Variants in SCAF8 observed in about 807,000 individuals in gnomAD.
The protein encoded by SCAF8 is SR-related and CTD-associated factor 8.
In SCAF8, 23 loss-of-function variants were observed where a neutral mutation model predicts 140.5. That is an observed-to-expected ratio of 0.16 (90% CI 0.12 to 0.23). The LOEUF (loss-of-function observed/expected upper bound fraction) is 0.23. Among genes scored for constraint, SCAF8 ranks in the 10% least tolerant of loss-of-function variants. The pLI, the probability that SCAF8 is intolerant of heterozygous loss-of-function variation, is 1.00. For synonymous variants in SCAF8, 575 were observed against 528.9 expected (o/e 1.09, Z -1.20); for missense variants, 1,397 against 1,555.7 (o/e 0.90, Z 1.72).
chr6:154,772,690 A>C (rs927563902), intron 1 of SCAF8, among the ~76,000 whole-genome samples: 2 of 152,048 alleles, frequency 1.3e-5, no homozygotes, highest in African/African-American at 4.8e-5. Flanking sequence ...CCCTGTCTCA[A>C]TCAATCAATC....
intron 3 of SCAF8, among the ~76,000 whole-genome samples, chr6:154,779,221 G>C (rs936047845): frequency 6.6e-6 from 1 of 152,092 alleles, no homozygotes; most frequent in African/African-American, 2.4e-5. Flanking sequence ...TTTTAGTAGA[G>C]ATGGGGGTTT....
chr6:154,761,325 G>A (rs1241389241), intron 1 of SCAF8, among the ~76,000 whole-genome samples: 1 of 151,940 alleles, frequency 6.6e-6, no homozygotes, highest in African/African-American at 2.4e-5. Context: ...ATCTCTACTA[G>A]AAATACAAAA....
At position 154,830,916 on chromosome 6, in the gene SCAF8, A is replaced by G. The variant is rs1417905164; in HGVS notation, c.2141-6A>G. The stretch of plus-strand genomic sequence containing the variant: ...TCTGAAATATATTTTTCTCCTCTTT[A>G]AACAGCTTTAGTGCAGCCGTCATTA... On this transcript the variant is annotated splice_region_variant and splice_polypyrimidine_tract_variant and intron_variant, in intron 18 of 19. Transcript: ENST00000367178. The G allele has an allele frequency of 6.2e-7, 1 of 1,610,750 alleles. No homozygotes were observed. Among genetic ancestry groups the G allele is most frequent in the African/African-American group, 1.3e-5 (1 of 74,956 alleles).
At position 154,733,463 on chromosome 6, in the gene SCAF8, C is replaced by T. The variant is rs1054477833; in HGVS notation, c.-438C>T. ...CTGCCAGCGCTTCCTCCTCTGTCTT[C>T]GCCGAGCGGGGCTGGTTCCTGCGGC... On this transcript the variant is annotated 5_prime_UTR_variant, in exon 1 of 20. Coordinates refer to ENST00000367178, the MANE Select transcript of SCAF8 (RefSeq NM_014892.5). 14 of 1,373,996 alleles carry T rather than the reference C, an allele frequency of 1.0e-5. No homozygotes were observed. The Admixed American group carries it at 4.4e-4, about 43-fold the overall frequency. The allele number at this position is 1,373,996 out of a possible 1,614,324, so 85.1% of individuals were successfully genotyped here.
intron 2 of SCAF8, among the ~76,000 whole-genome samples, chr6:154,775,729 A>G (rs1275574352): frequency 6.6e-6 from 1 of 152,082 alleles, no homozygotes; most frequent in Non-Finnish European, 1.5e-5. Context: ...ACGCAGTAAG[A>G]TCTTGGCTCT....
intron 3 of SCAF8, among the ~76,000 whole-genome samples, chr6:154,780,354 C>CT (rs74777379): frequency 0.13 from 17,366 of 135,414 alleles, 1,937 homozygotes; most frequent in African/African-American, 0.3. Flanking sequence ...TAGTTCCTTC[C>CT]TTTTTTTTTT....
At chr6:154,773,200 C>G (rs956184333) in intron 1 of SCAF8, among the ~76,000 whole-genome samples, 4 of 152,202 alleles carry the variant, frequency 2.6e-5, no homozygotes, top group Non-Finnish European at 4.4e-5. Flanking sequence ...AAGAAACACT[C>G]TACTCATCAG....
chr6:154,796,389 C>CTCTCTG (rs376622207), intron 6 of SCAF8, among the ~76,000 whole-genome samples: 271 of 141,042 alleles, frequency 1.9e-3, no homozygotes, highest in African/African-American at 4.6e-3. Flanking sequence ...CTCTCTCTCT[C>CTCTCTG]TCTGTCTCTC....
chr6:154,763,216 A>G (rs2114827423), intron 1 of SCAF8, among the ~76,000 whole-genome samples: 1 of 151,794 alleles, frequency 6.6e-6, no homozygotes. Context: ...TGAGTTCTTT[A>G]TTGTCCTCCC....
intron 3 of SCAF8, among the ~76,000 whole-genome samples, chr6:154,784,736 T>TGA (rs1777201953): frequency 6.6e-6 from 1 of 152,214 alleles, no homozygotes; most frequent in African/African-American, 2.4e-5. Flanking sequence ...ATAAGGGACG[T>TGA]GAGCATCCTC....
At position 154,784,155 on chromosome 6, in the gene SCAF8, A is replaced by ATATATATT. The variant is rs1408182952; in HGVS notation, c.160-3703_160-3702insATATTTAT. Among the ~76,000 whole-genome samples the ATATATATT allele has an allele frequency of 7.6e-3, 691 of 91,480 alleles. 2 individuals are homozygous for ATATATATT. The highest frequency in any genetic ancestry group is 0.027 in the East Asian group (75 of 2,780). The allele number at this position is 91,480 out of a possible 152,430, so 60.0% of individuals were successfully genotyped here. A position where few individuals can be genotyped will look rare whatever the true frequency, so the allele number is the denominator to read the frequency against. ...TATATATATATATATATATATATAT[A>ATATATATT]TATTTATTTATTTATTTTTCATGTA... On this transcript the variant is annotated intron_variant, in intron 3 of 19. Transcript: ENST00000367178.
chr6:154,753,511 C>T (rs974232294), intron 1 of SCAF8, among the ~76,000 whole-genome samples: 10 of 150,826 alleles, frequency 6.6e-5, no homozygotes, highest in Admixed American at 1.3e-4. Flanking sequence ...TAGTGGCGGG[C>T]GCCTGTAATT....
At chr6:154,769,487 A>G (rs1009535106) in intron 1 of SCAF8, among the ~76,000 whole-genome samples, 1 of 152,202 alleles carries the variant, frequency 6.6e-6, no homozygotes, top group Non-Finnish European at 1.5e-5. Flanking sequence ...GTACTTTCAC[A>G]TGGCTGAGTG....
In SCAF8 at chr6:154,821,598, G is replaced by C. The variant is rs910810547; in HGVS notation, c.1793-678G>C. The stretch of plus-strand genomic sequence containing the variant: ...GTTTTTATGTGGTTGTAGAAGATCT[G>C]ATGGAGAATGTGATATTCGAAAGGG... On this transcript the variant is annotated intron_variant, in intron 15 of 19. Transcript: ENST00000367178. 3.3e-5 allele frequency among the ~76,000 whole-genome samples: 5 copies of C among 152,310 alleles called. No individual in the cohort carries two copies. In the East Asian group the frequency reaches 7.7e-4, roughly 24 times the overall value.
At chr6:154,740,384 A>G (rs1208649929) in intron 1 of SCAF8, among the ~76,000 whole-genome samples, 1 of 152,098 alleles carries the variant, frequency 6.6e-6, no homozygotes, top group Non-Finnish European at 1.5e-5. Flanking sequence ...CTTTGGGGGC[A>G]CAGTGACCCT....
In SCAF8 at chr6:154,733,879, T is replaced by G; in HGVS notation, c.-22T>G. 3 of 1,544,546 alleles carry G rather than the reference T, an allele frequency of 1.9e-6. No homozygotes were observed. The highest frequency in any genetic ancestry group is 8.7e-7 in the Non-Finnish European group (1 of 1,150,834). On this transcript the variant is annotated 5_prime_UTR_variant, in exon 1 of 20. Transcript: ENST00000367178. ...GCCGCCGCCTCTTCCGCCGCCGGGC[T>G]CGGGGCCTCCGCAGCGACAACATGG...
chr6:154,761,291 G>T lies in SCAF8; in HGVS notation c.31-12698G>T, dbSNP rs565585682. 1.7e-4 allele frequency among the ~76,000 whole-genome samples: 26 copies of T among 152,116 alleles called. 1 individual carries two copies. The highest frequency in any genetic ancestry group is 5.8e-4 in the African/African-American group (24 of 41,518). On this transcript the variant is annotated intron_variant, in intron 1 of 19. Transcript: ENST00000367178. ...CACCTGAGGTTGGGAGTTCGAGACC[G>T]CCTGGGCAACATGGTGAAACCCCAT... is the stretch of plus-strand genomic sequence containing the variant.
rs1412400960 is a variant in SCAF8, at chr6:154,834,116, T to G, written c.*721T>G. 4 of 152,224 alleles carry G rather than the reference T, an allele frequency of 2.6e-5. No homozygotes were observed. Among genetic ancestry groups the G allele is most frequent in the African/African-American group, 9.6e-5 (4 of 41,462 alleles). 9.4% of individuals were successfully genotyped at this position (152,224 alleles called of 1,614,324 possible). On this transcript the variant is annotated 3_prime_UTR_variant, in exon 20 of 20. Transcript: ENST00000367178. ...TATAAATTCTTAAAACCTTGAATTA[T>G]TATTAGCATGTGCTTATTTTTTGCA...
Position 154,778,042 on chromosome 6 carries a change from G to C in SCAF8, c.156G>C (p.Gln52His), listed in dbSNP as rs1396221957. ...TACAGAGTGTTGAGAAGTTTATTCAGAAAGTAAGTATATAATTTTCCATAC... is the reference window on the plus strand; with the variant it reads ...TACAGAGTGTTGAGAAGTTTATTCACAAAGTAAGTATATAATTTTCCATAC... ...HVVQSVEKFI[Q>H]KCKPEYKVPG... The change falls in exon 3 of 20, where the codon CAG becomes CAC. Residue 52 changes from glutamine to histidine, a missense_variant. By Grantham distance (24) the Gln-to-His change is conservative. Coordinates refer to ENST00000367178, the MANE Select transcript of SCAF8 (RefSeq NM_014892.5). 1 of 1,491,274 alleles carries C rather than the reference G, an allele frequency of 6.7e-7. No individual in the cohort carries two copies. The highest frequency in any genetic ancestry group is 1.7e-5 in the Admixed American group (1 of 58,314). 92.4% of individuals were successfully genotyped at this position (1,491,274 alleles called of 1,614,324 possible).
Sources: allele counts gnomAD v4.1 joint callset (sites outside exome capture counted in the v4.1 genomes callset), GRCh38; gene constraint gnomAD v4.1.1; transcripts MANE v1.5; gene names NCBI Gene and HGNC (gene_info 2026-07-23, HGNC 2026-07-21).